Variants in LPP observed in about 807,000 individuals in gnomAD.
The protein encoded by LPP is LIM domain containing preferred translocation partner in lipoma.
LPP carries 38 observed loss-of-function variants against 60.4 expected under a neutral mutation model. The ratio of observed to expected loss-of-function variants is 0.63; its 90% CI spans 0.49 to 0.83. The LOEUF (loss-of-function observed/expected upper bound fraction) is 0.83. Ranked by LOEUF, LPP falls within the 40% of genes least tolerant of loss-of-function variation. The pLI, the probability that LPP is intolerant of heterozygous loss-of-function variation, is 0.00. For missense variants in LPP, 902 were observed against 783.6 expected (o/e 1.15, Z -1.80); for synonymous variants, 328 against 290.8 (o/e 1.13, Z -1.30).
intron 8 of LPP, among the ~76,000 whole-genome samples, chr3:188,741,304 G>T: frequency 6.6e-6 from 1 of 151,938 alleles, no homozygotes; most frequent in East Asian, 1.9e-4. Context: ...ATCTATCCTT[G>T]TGCTGGTACT....
intron 9 of LPP, among the ~76,000 whole-genome samples, chr3:188,851,978 A>G (rs1352137857): frequency 2.0e-5 from 3 of 152,164 alleles, no homozygotes; most frequent in African/African-American, 7.2e-5. Flanking sequence ...AGCCTGGCTG[A>G]CATGGCGAAA....
chr3:188,704,534 T>C (rs1577107056), intron 7 of LPP, among the ~76,000 whole-genome samples: 1 of 152,258 alleles, frequency 6.6e-6, no homozygotes, highest in Middle Eastern at 3.4e-3. Flanking sequence ...TGGCCACCAG[T>C]ATATTAGATA....
intron 5 of LPP, among the ~76,000 whole-genome samples, chr3:188,510,298 G>A (rs1815068101): frequency 6.6e-6 from 1 of 152,024 alleles, no homozygotes; most frequent in African/African-American, 2.4e-5. Context: ...GTATTCCCTG[G>A]GTCTAAGGCA....
chr3:188,217,671 A>C lies in LPP; in HGVS notation c.-189-7734A>C, dbSNP rs999329946. Among the ~76,000 whole-genome samples the C allele has an allele frequency of 6.6e-5, 10 of 152,174 alleles. No homozygotes were observed. The highest frequency in any genetic ancestry group is 2.4e-4 in the African/African-American group (10 of 41,448). ...TAGGATCTCAAGTGTGATTTCCTTCAGAGAAATGCTGAGCTAAATGGGCAG... is the reference window on the plus strand; with the variant it reads ...TAGGATCTCAAGTGTGATTTCCTTCCGAGAAATGCTGAGCTAAATGGGCAG... On this transcript the variant is annotated intron_variant, in intron 1 of 11. Transcript: ENST00000617246. The surrounding 1 kb of genome is among the most constrained non-coding windows in gnomAD (Gnocchi z 4.0).
intron 1 of LPP, among the ~76,000 whole-genome samples, chr3:188,158,834 A>T (rs1314367741): frequency 2.0e-5 from 3 of 152,168 alleles, no homozygotes; most frequent in African/African-American, 7.2e-5. Flanking sequence ...GCTCAAATCG[A>T]CATTGCTTGT....
chr3:188,632,805 T>G (rs1237362586), intron 7 of LPP, among the ~76,000 whole-genome samples: 1 of 152,196 alleles, frequency 6.6e-6, no homozygotes, highest in Non-Finnish European at 1.5e-5. Context: ...GCGCCCCTTT[T>G]GTCTTCCTCC....
At chr3:188,674,808 T>G in intron 7 of LPP, among the ~76,000 whole-genome samples, 1 of 152,222 alleles carries the variant, frequency 6.6e-6, no homozygotes, top group East Asian at 1.9e-4. Context: ...CTTCAAAGTC[T>G]ATGCTTTTTC....
intron 7 of LPP, among the ~76,000 whole-genome samples, chr3:188,682,970 A>C (rs897164648): frequency 6.6e-6 from 1 of 152,148 alleles, no homozygotes; most frequent in Non-Finnish European, 1.5e-5. Context: ...CTATATTTTA[A>C]AACAGGATGA....
intron 7 of LPP, among the ~76,000 whole-genome samples, chr3:188,702,117 C>T (rs557516940): frequency 2.6e-5 from 4 of 151,696 alleles, no homozygotes; most frequent in South Asian, 4.2e-4. Flanking sequence ...CCACCATGCC[C>T]GGCTAATTTT....
intron 8 of LPP, among the ~76,000 whole-genome samples, chr3:188,729,059 C>T (rs929052536): frequency 2.6e-5 from 4 of 152,002 alleles, no homozygotes; most frequent in Non-Finnish European, 5.9e-5. Flanking sequence ...GAAAAACCTC[C>T]CTAGGGAGAT....
At chr3:188,606,382 G>T (rs1842377474) in intron 6 of LPP, among the ~76,000 whole-genome samples, 1 of 152,068 alleles carries the variant, frequency 6.6e-6, no homozygotes, top group African/African-American at 2.4e-5. Flanking sequence ...AGTTTCCTAG[G>T]GATCTCATAG....
intron 5 of LPP, among the ~76,000 whole-genome samples, chr3:188,505,058 C>G (rs1348813868): frequency 6.6e-6 from 1 of 152,124 alleles, no homozygotes; most frequent in Non-Finnish European, 1.5e-5. Flanking sequence ...TAGGTAGTTG[C>G]TATTGTGCTG....
At chr3:188,561,251 T>C (rs968866265) in intron 6 of LPP, among the ~76,000 whole-genome samples, 2 of 152,126 alleles carry the variant, frequency 1.3e-5, no homozygotes, top group Non-Finnish European at 2.9e-5. Flanking sequence ...ACCATTGCCA[T>C]TGGCTTCTGC....
intron 7 of LPP, among the ~76,000 whole-genome samples, chr3:188,613,314 A>ATCTATATCTATACCTATATC (rs1379478231): frequency 6.9e-6 from 1 of 144,390 alleles, no homozygotes; most frequent in Non-Finnish European, 1.5e-5. Context: ...CTATATCTAT[A>ATCTATATCTATACCTATATC]TATATCGCTG....
intron 3 of LPP, among the ~76,000 whole-genome samples, chr3:188,402,536 C>G (rs1578631728): frequency 6.6e-6 from 1 of 152,156 alleles, no homozygotes; most frequent in South Asian, 2.1e-4. Context: ...AGTTCAATAT[C>G]TGGAAATCTA....
At chr3:188,593,878 T>C (rs1839461535) in intron 6 of LPP, among the ~76,000 whole-genome samples, 1 of 152,216 alleles carries the variant, frequency 6.6e-6, no homozygotes, top group Non-Finnish European at 1.5e-5. Flanking sequence ...CACGATTTGC[T>C]ACTGTGAATT....
At chr3:188,554,883 CAA>C (rs1218697831) in intron 6 of LPP, among the ~76,000 whole-genome samples, 4 of 152,078 alleles carry the variant, frequency 2.6e-5, no homozygotes, top group Non-Finnish European at 5.9e-5. Flanking sequence ...ATGCATAAAA[CAA>C]TGTGTATTTT....
In LPP at chr3:188,875,263, C is replaced by G. The variant is rs1262692931; in HGVS notation, c.*784C>G. 1.4e-5 allele frequency: 3 copies of G among 218,422 alleles called. No homozygotes were observed. The highest frequency in any genetic ancestry group is 6.7e-5 in the African/African-American group (3 of 44,532). 13.5% of individuals were successfully genotyped at this position (218,422 alleles called of 1,614,324 possible). On this transcript the variant is annotated 3_prime_UTR_variant, in exon 12 of 12. Transcript: ENST00000617246. ...TGTTTAAAAAAACATTATTGTCCCA[C>G]AATATTACCTTAAGATTTTTCTTTT...
At chr3:188,644,851 C>A (rs1850814406) in intron 7 of LPP, among the ~76,000 whole-genome samples, 1 of 152,144 alleles carries the variant, frequency 6.6e-6, no homozygotes, top group Non-Finnish European at 1.5e-5. Context: ...TGGCTTGGTG[C>A]AGGGTGCAGA....
Sources: gnomAD v4.1 joint callset for allele counts (sites outside exome capture counted in the v4.1 genomes callset) on GRCh38, gnomAD v4.1.1 for gene constraint, Gnocchi (gnomAD v3.1) non-coding constraint, MANE v1.5 for transcripts, NCBI Gene and HGNC (gene_info 2026-07-23, HGNC 2026-07-21) for gene names.